SLC12A6: variants seen among roughly 807,000 people sequenced by gnomAD.
SLC12A6 encodes solute carrier family 12 member 6, also known as K-Cl cotransporter 3.
SLC12A6 carries 66 observed loss-of-function variants against 135.3 expected under a neutral mutation model. That is an observed-to-expected ratio of 0.49 (90% CI 0.40 to 0.60). The LOEUF is 0.60. SLC12A6 is among the 20% of genes least tolerant of loss of function. The probability of loss-of-function intolerance (pLI) is 0.00; values close to 1 mark genes in which losing one functional copy is unlikely to be tolerated. For synonymous variants in SLC12A6, 513 were observed against 508.8 expected (o/e 1.01, Z -0.11); for missense variants, 1,058 against 1,452.3 (o/e 0.73, Z 4.41).
In SLC12A6 at chr15:34,233,949, T is replaced by A; in HGVS notation, c.3385A>T (p.Thr1129Ser). The A allele has an allele frequency of 6.2e-7, 1 of 1,600,512 alleles. No individual in the cohort carries two copies. Among genetic ancestry groups the A allele is most frequent in the Non-Finnish European group, 8.6e-7 (1 of 1,167,574 alleles). The stretch of plus-strand genomic sequence containing the variant: ...AGTAGGACTCGCTCTAGTCCCTCGG[T>A]AAGCACCTCTAGGAACTCCATGTCT... The part of the protein sequence containing the change: ...ENYMEFLEVL[T>S]EGLERVLLVR... Residue 1129 changes from threonine to serine, a missense_variant, in exon 26 of 26, where the codon ACC becomes TCC. Physicochemically the swap from Thr to Ser is moderately conservative, Grantham distance 58. Transcript: ENST00000354181.
intron 2 of SLC12A6, among the ~76,000 whole-genome samples, chr15:34,333,197 T>C (rs1458489853): frequency 6.6e-6 from 1 of 151,910 alleles, no homozygotes; most frequent in Non-Finnish European, 1.5e-5. Flanking sequence ...ATTGTTTTGG[T>C]AAAAGAAAAT....
rs990612634 is a variant in SLC12A6, at chr15:34,315,955, C to CA, written c.271+20454dup. Among the ~76,000 whole-genome samples the CA allele has an allele frequency of 5.3e-5, 8 of 151,570 alleles. No individual in the cohort carries two copies. In the East Asian group the frequency reaches 7.7e-4, roughly 15 times the overall value. ...ACCATCTCAAAAAAACAAAACAAAA[C>CA]AAAAAAAACAACAATTCATGTGACT... On this transcript the variant is annotated intron_variant, in intron 2 of 25. Transcript: ENST00000354181.
rs754403127 is a variant in SLC12A6, at chr15:34,254,383, T to G, written c.1083A>C (p.Gly361=). Residue 361 remains glycine, a synonymous_variant, in exon 9 of 26, where the codon GGA becomes GGC. Coordinates refer to ENST00000354181, the MANE Select transcript of SLC12A6 (RefSeq NM_001365088.1). ...VIVSILAIYA[G]AIKSSFAPPH... is the part of the protein sequence containing the mutation. ...GAGGAGCAAAAGAAGACTTGATGGC[T>G]CCAGCATAGATGGCCAAGATGGACA... 1.4e-5 allele frequency: 22 copies of G among 1,613,768 alleles called. No individual in the cohort carries two copies. In the Admixed American group the frequency reaches 3.5e-4, roughly 26 times the overall value.
chr15:34,232,137 A>G lies in SLC12A6; in HGVS notation c.*1744T>C, dbSNP rs559153472. 3.3e-4 allele frequency: 51 copies of G among 152,388 alleles called. No individual in the cohort carries two copies. Among genetic ancestry groups the G allele is most frequent in the African/African-American group, 1.2e-3 (50 of 41,592 alleles). The allele number at this position is 152,388 out of a possible 1,614,324, so 9.4% of individuals were successfully genotyped here. A position where few individuals can be genotyped will look rare whatever the true frequency, so the allele number is the denominator to read the frequency against. ...ACATACTTGAAATTACTGCTCAGCC[A>G]GCCACATAAGTAGTTTCCCTATGCT... On this transcript the variant is annotated 3_prime_UTR_variant, in exon 26 of 26. Coordinates refer to ENST00000354181, the MANE Select transcript of SLC12A6 (RefSeq NM_001365088.1).
intron 2 of SLC12A6, among the ~76,000 whole-genome samples, chr15:34,323,877 G>A (rs1038311668): frequency 6.6e-6 from 1 of 150,884 alleles, no homozygotes; most frequent in Non-Finnish European, 1.5e-5. Flanking sequence ...GGAGGCTGAG[G>A]CTGCAATGAG....
At chr15:34,317,513 G>C (rs347865) in intron 2 of SLC12A6, among the ~76,000 whole-genome samples, 8,610 of 152,120 alleles carry the variant, frequency 0.057, 797 homozygotes, top group African/African-American at 0.19. Context: ...GATCAGCCTG[G>C]CCAAAAAGGT....
chr15:34,308,048 A>G (rs1455118858), intron 2 of SLC12A6, among the ~76,000 whole-genome samples: 1 of 152,210 alleles, frequency 6.6e-6, no homozygotes, highest in Non-Finnish European at 1.5e-5. Context: ...TCTAGAAAGA[A>G]TTTAGTTTTT....
intron 9 of SLC12A6, 31 bp downstream of exon 9, chr15:34,254,317 A>C: frequency 1.3e-6 from 2 of 1,599,568 alleles, no homozygotes; most frequent in South Asian, 1.1e-5. Flanking sequence ...CTACCCAATA[A>C]GGATGGCTAG....
At chr15:34,282,739 A>G (rs1275383286) in intron 2 of SLC12A6, among the ~76,000 whole-genome samples, 1 of 152,208 alleles carries the variant, frequency 6.6e-6, no homozygotes, top group Non-Finnish European at 1.5e-5. Context: ...TCATTCACTC[A>G]GCACTATTTC....
intron 2 of SLC12A6, among the ~76,000 whole-genome samples, chr15:34,276,536 C>T (rs1049730994): frequency 8.5e-5 from 13 of 152,308 alleles, no homozygotes; most frequent in African/African-American, 3.1e-4. Flanking sequence ...AGACTAAGCT[C>T]CACTTTCCTC....
chr15:34,315,461 C>T (rs1382551169), intron 2 of SLC12A6, among the ~76,000 whole-genome samples: 3 of 152,176 alleles, frequency 2.0e-5, no homozygotes, highest in Admixed American at 2.0e-4. Flanking sequence ...GTAGTACATG[C>T]CTGTAGTCCA....
intron 2 of SLC12A6, among the ~76,000 whole-genome samples, chr15:34,319,282 T>A (rs1004563954): frequency 2.0e-5 from 3 of 151,562 alleles, no homozygotes; most frequent in Non-Finnish European, 4.4e-5. Flanking sequence ...ACTACAGACA[T>A]GTGCCACCAT....
At chr15:34,253,366 A>G (rs968380579) in intron 9 of SLC12A6, among the ~76,000 whole-genome samples, 2 of 152,228 alleles carry the variant, frequency 1.3e-5, no homozygotes, top group East Asian at 1.9e-4. Flanking sequence ...GACAAAATGG[A>G]ATTTCCCAAA....
intron 3 of SLC12A6, among the ~76,000 whole-genome samples, chr15:34,262,128 T>A (rs983077967): frequency 2.0e-5 from 3 of 152,188 alleles, no homozygotes; most frequent in Non-Finnish European, 4.4e-5. Context: ...CCTGGATAAA[T>A]CCATGGACTG....
chr15:34,254,284 A>G (rs1566815061), intron 9 of SLC12A6, 64 bp downstream of exon 9: 1 of 1,480,566 alleles, frequency 6.8e-7, no homozygotes, highest in Non-Finnish European at 9.4e-7. Context: ...TAAAATTATC[A>G]CACCACCAGA....
chr15:34,284,839 A>T (rs1894939785), intron 2 of SLC12A6, among the ~76,000 whole-genome samples: 1 of 152,214 alleles, frequency 6.6e-6, no homozygotes, highest in South Asian at 2.1e-4. Flanking sequence ...ACTCAGTCTG[A>T]AAGGCCTCTC....
chr15:34,307,676 A>G (rs1261891861), intron 2 of SLC12A6, among the ~76,000 whole-genome samples: 1 of 152,224 alleles, frequency 6.6e-6, no homozygotes, highest in Non-Finnish European at 1.5e-5. Flanking sequence ...CTTGGAGGAA[A>G]TAAGTATGAA....
chr15:34,334,158 G>A (rs563466937), intron 2 of SLC12A6, among the ~76,000 whole-genome samples: 3 of 152,022 alleles, frequency 2.0e-5, no homozygotes, highest in Non-Finnish European at 2.9e-5. Context: ...AAGAAACTTC[G>A]GGTGGGAAGT....
chr15:34,282,129 T>C (rs12591967), intron 2 of SLC12A6, among the ~76,000 whole-genome samples: 20,560 of 152,186 alleles, frequency 0.14, 1,525 homozygotes, highest in East Asian at 0.32. Context: ...CTCTACTTCA[T>C]GTACAGTGTA....
Sources: gnomAD v4.1 joint callset for allele counts (sites outside exome capture counted in the v4.1 genomes callset) on GRCh38, gnomAD v4.1.1 for gene constraint, MANE v1.5 for transcripts, NCBI Gene and HGNC (gene_info 2026-07-23, HGNC 2026-07-21) for gene names.